Variants in PRUNE2 observed in about 807,000 individuals in gnomAD.
PRUNE2 encodes protein prune homolog 2.
In PRUNE2, 164 loss-of-function variants were observed where a neutral mutation model predicts 252.0. The observed-to-expected ratio is 0.65, with a 90% CI of 0.57 to 0.74. The LOEUF is 0.74. Among genes scored for constraint, PRUNE2 ranks in the 30% least tolerant of loss-of-function variants. The pLI, the probability that PRUNE2 is intolerant of heterozygous loss-of-function variation, is 0.00. For missense variants in PRUNE2, 3,495 were observed against 3,711.0 expected (o/e 0.94, Z 1.51); for synonymous variants, 1,292 against 1,350.2 (o/e 0.96, Z 0.94).
intron 6 of PRUNE2, chr9:76,782,674 C>T (rs1283851407): frequency 6.6e-6 from 1 of 152,186 alleles, no homozygotes; most frequent in Middle Eastern, 3.2e-3. Flanking sequence ...TAAGGAATTA[C>T]AACACATATA....
At chr9:76,620,393 G>C (rs560403766) in intron 17 of PRUNE2, among the ~76,000 whole-genome samples, 1 of 151,866 alleles carries the variant, frequency 6.6e-6, no homozygotes, top group African/African-American at 2.4e-5. Context: ...CTCCTGCCTC[G>C]GCCTCCCAAA....
chr9:76,758,607 C>G (rs1009544097), intron 6 of PRUNE2: 3 of 152,094 alleles, frequency 2.0e-5, no homozygotes, highest in African/African-American at 7.2e-5. Flanking sequence ...CTGCTCCCGC[C>G]TCAGCCTCCT....
At chr9:76,902,960 G>A (rs1029022941) in intron 1 of PRUNE2, among the ~76,000 whole-genome samples, 6 of 152,194 alleles carry the variant, frequency 3.9e-5, no homozygotes, top group African/African-American at 1.2e-4. Flanking sequence ...GAGTAGTAGG[G>A]CCAGACTGGG....
At chr9:76,878,914 T>A (rs1352797158) in intron 1 of PRUNE2, among the ~76,000 whole-genome samples, 2 of 152,180 alleles carry the variant, frequency 1.3e-5, no homozygotes, top group Non-Finnish European at 2.9e-5. Flanking sequence ...TTAGAAAGTA[T>A]TTTTTTGTTT....
chr9:76,655,214 C>T (rs529977091), intron 10 of PRUNE2, among the ~76,000 whole-genome samples: 3 of 152,178 alleles, frequency 2.0e-5, no homozygotes, highest in Non-Finnish European at 4.4e-5. Context: ...AGATAAAATG[C>T]AGCCCACACT....
chr9:76,700,756 G>C (rs987821816), intron 9 of PRUNE2, among the ~76,000 whole-genome samples: 17 of 152,274 alleles, frequency 1.1e-4, no homozygotes, highest in Admixed American at 1.1e-3. Context: ...GTGTCTGACA[G>C]AGAATAAGCC....
In PRUNE2 at chr9:76,703,885, T is replaced by C. The variant is rs762597028; in HGVS notation, c.7728A>G (p.Glu2576=). The C allele has an allele frequency of 1.2e-6, 2 of 1,613,924 alleles. No individual in the cohort carries two copies. Among genetic ancestry groups the C allele is most frequent in the African/African-American group, 1.3e-5 (1 of 75,024 alleles). Residue 2576 remains glutamate, a synonymous_variant, in exon 9 of 19, where the codon GAA becomes GAG. Coordinates refer to ENST00000376718, the MANE Select transcript of PRUNE2 (RefSeq NM_015225.3). ...CEERESIAEL[E]LYVGSKETGL... ...CTGTTTCTTTGGAACCTACATACAATTCTAATTCAGCTATGCTTTCTCTTT... is the reference window on the plus strand; with the variant it reads ...CTGTTTCTTTGGAACCTACATACAACTCTAATTCAGCTATGCTTTCTCTTT...
At chr9:76,734,019 G>A (rs1372941418) in intron 6 of PRUNE2, among the ~76,000 whole-genome samples, 1 of 151,586 alleles carries the variant, frequency 6.6e-6, no homozygotes, top group East Asian at 1.9e-4. Context: ...AGTGTTTACT[G>A]AATGCCTTCT....
Position 76,624,503 on chromosome 9 carries a change from A to G in PRUNE2, c.9150-13T>C. 2 of 1,408,494 alleles carry G rather than the reference A, an allele frequency of 1.4e-6. No homozygotes were observed. The highest frequency in any genetic ancestry group is 1.9e-6 in the Non-Finnish European group (2 of 1,076,174). 87.2% of individuals were successfully genotyped at this position (1,408,494 alleles called of 1,614,324 possible). Reference sequence around the variant, plus strand: ...TTCTTCATCCAGTCTGCAGGAGCAAAAATTATTGGTGTGGAAAAGAAACAA... The same window carrying G: ...TTCTTCATCCAGTCTGCAGGAGCAAGAATTATTGGTGTGGAAAAGAAACAA... On this transcript the variant is annotated splice_polypyrimidine_tract_variant and intron_variant, in intron 16 of 18. Transcript: ENST00000376718.
chr9:76,841,724 G>A (rs1048552857), intron 4 of PRUNE2, among the ~76,000 whole-genome samples: 29 of 152,342 alleles, frequency 1.9e-4, no homozygotes, highest in African/African-American at 6.3e-4. Context: ...CTGCAAAGCC[G>A]CTGTAGCCAG....
In PRUNE2 at chr9:76,705,841, G is replaced by T; in HGVS notation, c.6433C>A (p.Pro2145Thr). 6.2e-7 allele frequency: 1 copy of T among 1,613,544 alleles called. No homozygotes were observed. ...CLTEPEIDEE[P>T]IYEPGREFVP... ...AACTCCCGTCCAGGCTCATAAATGG[G>T]TTCTTCATCTATCTCTGGCTCAGTG... The change falls in exon 8 of 19, where the codon CCC (proline) becomes ACC (threonine). Residue 2145 changes from proline to threonine, a missense_variant. Pro to Thr is a conservative substitution (Grantham distance 38, BLOSUM62 -1). Transcript: ENST00000376718.
At chr9:76,826,239 C>T (rs146098210) in intron 5 of PRUNE2, among the ~76,000 whole-genome samples, 1,807 of 152,172 alleles carry the variant, frequency 0.012, 27 homozygotes, top group African/African-American at 0.039. Flanking sequence ...TTTGGGAGGC[C>T]GATGCAGGTG....
At chr9:76,889,374 G>T (rs1184716539) in intron 1 of PRUNE2, among the ~76,000 whole-genome samples, 1 of 151,808 alleles carries the variant, frequency 6.6e-6, no homozygotes, top group East Asian at 1.9e-4. Flanking sequence ...AGGCTGGAGT[G>T]CAGTGGTATG....
In PRUNE2 at chr9:76,632,963, T is replaced by C. The variant is rs112662297; in HGVS notation, c.9050+3508A>G. The stretch of plus-strand genomic sequence containing the variant: ...CCGGCTGGGCGCAGTGTCTCGTACC[T>C]GTAGTCCCAGCACTTTGGGAGGCCG... On this transcript the variant is annotated intron_variant, in intron 15 of 18. Transcript: ENST00000376718. Among the ~76,000 whole-genome samples the C allele has an allele frequency of 9.6e-3, 1,464 of 152,288 alleles. 30 individuals carry two copies. Among genetic ancestry groups the C allele is most frequent in the African/African-American group, 0.032 (1,345 of 41,518 alleles).
Position 76,756,024 on chromosome 9 carries a change from C to T in PRUNE2, c.757-42303G>A, listed in dbSNP as rs373585266. 5.3e-5 allele frequency among the ~76,000 whole-genome samples: 8 copies of T among 152,222 alleles called. No individual in the cohort carries two copies. The South Asian group carries it at 1.5e-3, about 28-fold the overall frequency. On this transcript the variant is annotated intron_variant, in intron 6 of 18. Coordinates refer to ENST00000376718, the MANE Select transcript of PRUNE2 (RefSeq NM_015225.3). ...GGCCAGGGGATCATACTTTGAGGAG[C>T]GAAACTTTCAAATAATTTCCTGGTG...
At chr9:76,849,561 C>T (rs60257540) in intron 3 of PRUNE2, among the ~76,000 whole-genome samples, 1 of 152,114 alleles carries the variant, frequency 6.6e-6, no homozygotes, top group African/African-American at 2.4e-5. Context: ...TGTGATGGCT[C>T]ACACCTGTAA....
At chr9:76,649,638 AT>A (rs1313757707) in intron 11 of PRUNE2, among the ~76,000 whole-genome samples, 19 of 152,158 alleles carry the variant, frequency 1.2e-4, no homozygotes, top group African/African-American at 4.6e-4. Context: ...AGATAGATAG[AT>A]AGATAGAATA....
chr9:76,701,371 T>G (rs1390797067), intron 9 of PRUNE2, among the ~76,000 whole-genome samples: 1 of 152,166 alleles, frequency 6.6e-6, no homozygotes, highest in African/African-American at 2.4e-5. Context: ...AAAGTTTCAG[T>G]ACTACAAAAG....
At position 76,704,987 on chromosome 9, in the gene PRUNE2, TA is replaced by T; in HGVS notation, c.7286del (p.Ile2429LysfsTer43). The T allele has an allele frequency of 6.2e-7, 1 of 1,613,838 alleles. No individual in the cohort carries two copies. Among genetic ancestry groups the T allele is most frequent in the Non-Finnish European group, 8.5e-7 (1 of 1,179,786 alleles). ...DESLGCRAAE[I>X]VLSALPDRRS... ...TTCGATCAGGAAGTGCAGAAAGCAC[TA>T]TCTCTGCTGCTCTGCATCCCAGAGA... On this transcript the variant is annotated frameshift_variant, in exon 8 of 19. Coordinates refer to ENST00000376718, the MANE Select transcript of PRUNE2 (RefSeq NM_015225.3). LOFTEE classifies it high-confidence loss of function.
Sources: gnomAD v4.1 joint callset for allele counts (sites outside exome capture counted in the v4.1 genomes callset) on GRCh38, gnomAD v4.1.1 for gene constraint, MANE v1.5 for transcripts, NCBI Gene and HGNC (gene_info 2026-07-23, HGNC 2026-07-21) for gene names.